GALNT13: variants seen among roughly 807,000 people sequenced by gnomAD.
The protein encoded by GALNT13 is polypeptide N-acetylgalactosaminyltransferase 13.
Under a neutral mutation model 64.2 loss-of-function variants are expected in GALNT13, and 28 were observed. The observed-to-expected ratio is 0.44, with a 90% CI of 0.32 to 0.60. GALNT13 has a LOEUF of 0.60. Among genes scored for constraint, GALNT13 ranks in the 20% least tolerant of loss-of-function variants. GALNT13 has a pLI of 0.05. For missense variants in GALNT13, 577 were observed against 669.8 expected, an observed-to-expected ratio of 0.86 and a Z score of 1.53; for synonymous variants, 214 against 224.6, an observed-to-expected ratio of 0.95 and a Z score of 0.42.
the GALNT13 span, among the ~76,000 whole-genome samples, chr2:153,084,237 A>G: frequency 6.6e-6 from 1 of 152,052 alleles, no homozygotes; most frequent in Non-Finnish European, 1.5e-5. Context: ...TTGGTTCAAT[A>G]TGAATTTTAG....
the GALNT13 span, among the ~76,000 whole-genome samples, chr2:153,586,791 A>G: frequency 2.0e-5 from 3 of 152,018 alleles, no homozygotes; most frequent in African/African-American, 7.2e-5. Flanking sequence ...GCCATAAAAC[A>G]AGTCTCAGTA....
chr2:154,244,838 T>G (rs1482914202), intron 6 of GALNT13, among the ~76,000 whole-genome samples: 3 of 152,078 alleles, frequency 2.0e-5, no homozygotes, highest in Admixed American at 2.0e-4. Flanking sequence ...AAAAATGGGA[T>G]AGGCCAGGTG....
intron 8 of GALNT13, among the ~76,000 whole-genome samples, chr2:154,293,862 G>T (rs191752068): frequency 6.6e-6 from 1 of 151,984 alleles, no homozygotes; most frequent in Non-Finnish European, 1.5e-5. Context: ...TCACATTACC[G>T]TGGAGTCTAA....
chr2:154,219,790 G>C (rs1261046209), intron 4 of GALNT13, among the ~76,000 whole-genome samples: 1 of 152,024 alleles, frequency 6.6e-6, no homozygotes, highest in East Asian at 1.9e-4. Flanking sequence ...AAGAATGCCA[G>C]TCTCCACCTG....
the GALNT13 span, among the ~76,000 whole-genome samples, chr2:153,725,836 T>C: frequency 2.0e-5 from 3 of 152,334 alleles, no homozygotes; most frequent in South Asian, 2.1e-4. Context: ...AATGATCTTT[T>C]CCCCCTCTTT....
chr2:154,287,206 G>T, intron 8 of GALNT13: 1 of 1,429,270 alleles, frequency 7.0e-7, no homozygotes, highest in Non-Finnish European at 9.7e-7. Flanking sequence ...CCAGATTTGT[G>T]GTGGAAAAGG....
chr2:153,759,159 C>A, the GALNT13 span, among the ~76,000 whole-genome samples: 1 of 152,088 alleles, frequency 6.6e-6, no homozygotes, highest in African/African-American at 2.4e-5. Flanking sequence ...TTTTATCCTG[C>A]AACTTTACTA....
chr2:153,439,359 C>G, the GALNT13 span, among the ~76,000 whole-genome samples: 1 of 152,174 alleles, frequency 6.6e-6, no homozygotes, highest in Admixed American at 6.5e-5. Flanking sequence ...CAGACAGGGA[C>G]ATTTTCGTCT....
chr2:154,097,421 A>C (rs1401359031), intron 3 of GALNT13, among the ~76,000 whole-genome samples: 1 of 152,118 alleles, frequency 6.6e-6, no homozygotes, highest in Non-Finnish European at 1.5e-5. Flanking sequence ...TCCTGCTTAA[A>C]AGAAATATGT....
chr2:153,072,049 T>G, the GALNT13 span, among the ~76,000 whole-genome samples: 1 of 152,218 alleles, frequency 6.6e-6, no homozygotes, highest in Non-Finnish European at 1.5e-5. Flanking sequence ...CCTCCTTTAC[T>G]GAAGAACCTT....
At chr2:153,089,638 T>A in the GALNT13 span, among the ~76,000 whole-genome samples, 189 of 152,116 alleles carry the variant, frequency 1.2e-3, 5 homozygotes, top group East Asian at 0.03. Flanking sequence ...TTTAACATAA[T>A]CTCAAATTTA....
At chr2:154,156,185 G>C (rs1359172355) in intron 4 of GALNT13, among the ~76,000 whole-genome samples, 1 of 151,994 alleles carries the variant, frequency 6.6e-6, no homozygotes, top group Admixed American at 6.6e-5. Context: ...TCTTCAAATA[G>C]AAATGGAAAG....
At chr2:153,535,966 G>T in the GALNT13 span, among the ~76,000 whole-genome samples, 1 of 152,164 alleles carries the variant, frequency 6.6e-6, no homozygotes, top group Non-Finnish European at 1.5e-5. Context: ...CCTATCCAGT[G>T]AAAGTATCTA....
At chr2:153,408,507 G>C in the GALNT13 span, among the ~76,000 whole-genome samples, 1 of 152,132 alleles carries the variant, frequency 6.6e-6, no homozygotes, top group African/African-American at 2.4e-5. Flanking sequence ...TTTCAATAAA[G>C]ACTTTCTTAC....
intron 3 of GALNT13, among the ~76,000 whole-genome samples, chr2:154,107,206 T>G (rs534794721): frequency 1.1e-4 from 17 of 152,196 alleles, no homozygotes; most frequent in Non-Finnish European, 2.2e-4. Flanking sequence ...TAAACCTCTT[T>G]TCTTTATAAA....
the GALNT13 span, among the ~76,000 whole-genome samples, chr2:153,333,985 A>G: frequency 6.6e-6 from 1 of 152,208 alleles, no homozygotes; most frequent in Admixed American, 6.5e-5. Flanking sequence ...TAAAGGACTC[A>G]GATATAATCT....
At chr2:153,973,876 C>A (rs1268079354) in intron 3 of GALNT13, among the ~76,000 whole-genome samples, 1 of 151,966 alleles carries the variant, frequency 6.6e-6, no homozygotes. Context: ...AAGTGAAATA[C>A]AGTGTCTGGT....
chr2:154,134,705 G>A (rs1029746414), intron 3 of GALNT13, among the ~76,000 whole-genome samples: 9 of 152,184 alleles, frequency 5.9e-5, no homozygotes, highest in African/African-American at 2.2e-4. Flanking sequence ...AAATTAGCAT[G>A]TACAGGCTGC....
the GALNT13 span, among the ~76,000 whole-genome samples, chr2:153,131,011 C>T: frequency 6.6e-6 from 1 of 152,134 alleles, no homozygotes; most frequent in Non-Finnish European, 1.5e-5. Context: ...TGTAACCTTA[C>T]ATACACAGGA....
Sources: gnomAD v4.1 joint callset for allele counts (sites outside exome capture counted in the v4.1 genomes callset) on GRCh38, gnomAD v4.1.1 for gene constraint, MANE v1.5 for transcripts, NCBI Gene and HGNC (gene_info 2026-07-23, HGNC 2026-07-21) for gene names.